Variants in ATRNL1 observed in about 807,000 individuals in gnomAD.
ATRNL1 encodes the protein attractin like 1.
Under a neutral mutation model 182.7 loss-of-function variants are expected in ATRNL1, and 95 were observed. That is an observed-to-expected ratio of 0.52 (90% CI 0.44 to 0.62). The LOEUF is 0.62. Ranked by LOEUF, ATRNL1 falls within the 20% of genes least tolerant of loss-of-function variation. The pLI is 0.00. For synonymous variants in ATRNL1, 576 were observed against 568.3 expected (o/e 1.01, Z -0.19); for missense variants, 1,471 against 1,679.5 (o/e 0.88, Z 2.17).
chr10:115,659,844 A>G (rs1046398892), intron 26 of ATRNL1, among the ~76,000 whole-genome samples: 5 of 152,156 alleles, frequency 3.3e-5, no homozygotes, highest in Admixed American at 6.5e-5. Flanking sequence ...AAACCAAAAA[A>G]GGAAGACATG....
chr10:115,842,809 G>A (rs1165384088), intron 27 of ATRNL1, among the ~76,000 whole-genome samples: 1 of 151,892 alleles, frequency 6.6e-6, no homozygotes, highest in Non-Finnish European at 1.5e-5. Context: ...CTCACTAGCT[G>A]TCTTACCCTG....
intron 10 of ATRNL1, among the ~76,000 whole-genome samples, chr10:115,259,688 T>A (rs1353776631): frequency 1.3e-5 from 2 of 152,126 alleles, no homozygotes. Context: ...AAATCACCCA[T>A]CCTCTGCGTC....
At chr10:115,608,423 A>G (rs1212624787) in intron 26 of ATRNL1, among the ~76,000 whole-genome samples, 3 of 152,048 alleles carry the variant, frequency 2.0e-5, no homozygotes, top group Non-Finnish European at 4.4e-5. Flanking sequence ...CAGAATTTTG[A>G]TTTTGAAAAA....
chr10:115,366,518 A>G (rs868980235), intron 19 of ATRNL1, among the ~76,000 whole-genome samples: 2 of 151,958 alleles, frequency 1.3e-5, no homozygotes, highest in Middle Eastern at 6.8e-3. Context: ...GTCCATTTAC[A>G]TTTAAACTTA....
At chr10:115,451,298 CAAAG>C (rs1315994114) in intron 21 of ATRNL1, among the ~76,000 whole-genome samples, 1 of 152,072 alleles carries the variant, frequency 6.6e-6, no homozygotes, top group Non-Finnish European at 1.5e-5. Context: ...TTCTGCACAA[CAAAG>C]AAACTATCAA....
chr10:115,835,467 T>C (rs529341224), intron 27 of ATRNL1, among the ~76,000 whole-genome samples: 1 of 152,036 alleles, frequency 6.6e-6, no homozygotes. Flanking sequence ...CCAGCCAAGG[T>C]AGGAAAATTG....
intron 8 of ATRNL1, among the ~76,000 whole-genome samples, chr10:115,214,257 G>C (rs541172286): frequency 4.9e-4 from 74 of 151,626 alleles, no homozygotes; most frequent in Admixed American, 1.8e-3. Flanking sequence ...TAAGGATCAA[G>C]TTTATCTTTA....
chr10:115,617,092 T>C (rs1172782559), intron 26 of ATRNL1, among the ~76,000 whole-genome samples: 1 of 152,216 alleles, frequency 6.6e-6, no homozygotes, highest in East Asian at 1.9e-4. Flanking sequence ...AGATCAATCA[T>C]GTAGAATAAC....
At chr10:115,695,293 C>G (rs1410727017) in intron 26 of ATRNL1, among the ~76,000 whole-genome samples, 2 of 151,930 alleles carry the variant, frequency 1.3e-5, no homozygotes, top group Admixed American at 1.3e-4. Context: ...GAGCCATTAT[C>G]AAAGTTAGGA....
At chr10:115,943,527 G>T (rs1159264121) in intron 28 of ATRNL1, among the ~76,000 whole-genome samples, 1 of 152,002 alleles carries the variant, frequency 6.6e-6, no homozygotes, top group Non-Finnish European at 1.5e-5. Context: ...AACAACAAAT[G>T]CTGGTGAGGT....
At chr10:115,532,110 G>A (rs1461774919) in intron 25 of ATRNL1, among the ~76,000 whole-genome samples, 1 of 151,550 alleles carries the variant, frequency 6.6e-6, no homozygotes, top group African/African-American at 2.4e-5. Context: ...TTGGCGATGC[G>A]GGCTCTTTTT....
chr10:115,932,032 C>G (rs908653014), intron 28 of ATRNL1, among the ~76,000 whole-genome samples: 3 of 152,146 alleles, frequency 2.0e-5, no homozygotes, highest in African/African-American at 7.2e-5. Flanking sequence ...TTGAAAGGTC[C>G]CCACTAGTGC....
At chr10:115,244,927 A>G (rs1233878262) in intron 10 of ATRNL1, among the ~76,000 whole-genome samples, 2 of 152,202 alleles carry the variant, frequency 1.3e-5, no homozygotes, top group African/African-American at 2.4e-5. Context: ...TGGGTAGGGA[A>G]TAGGATTTGT....
intron 1 of ATRNL1, among the ~76,000 whole-genome samples, chr10:115,103,042 T>G (rs1766417153): frequency 1.4e-5 from 1 of 72,664 alleles, no homozygotes; most frequent in Non-Finnish European, 4.1e-5. Context: ...TTTTTAGTGT[T>G]TTTTTTTTTT....
chr10:115,750,286 C>A, intron 27 of ATRNL1, among the ~76,000 whole-genome samples: 1 of 151,560 alleles, frequency 6.6e-6, no homozygotes, highest in Middle Eastern at 3.4e-3. Flanking sequence ...AAAGAAAGGT[C>A]TATTAATAAA....
chr10:115,196,862 CTCTT>C (rs1848382030), intron 8 of ATRNL1, among the ~76,000 whole-genome samples: 2 of 152,008 alleles, frequency 1.3e-5, no homozygotes, highest in Non-Finnish European at 2.9e-5. Flanking sequence ...CATTGTTTTA[CTCTT>C]TCTTTTTCAG....
At chr10:115,879,139 A>C (rs1352358894) in intron 28 of ATRNL1, among the ~76,000 whole-genome samples, 3 of 151,968 alleles carry the variant, frequency 2.0e-5, no homozygotes, top group African/African-American at 7.3e-5. Flanking sequence ...TGTTTCTACT[A>C]AAAATTACAT....
intron 27 of ATRNL1, among the ~76,000 whole-genome samples, chr10:115,751,300 C>T (rs1021212386): frequency 5.3e-5 from 8 of 152,046 alleles, no homozygotes; most frequent in African/African-American, 1.7e-4. Flanking sequence ...AATCTGCTGT[C>T]GCCCTGATTT....
chr10:115,100,315 A>T (rs895352963), intron 1 of ATRNL1, among the ~76,000 whole-genome samples: 19 of 152,076 alleles, frequency 1.2e-4, no homozygotes, highest in African/African-American at 3.6e-4. Context: ...TAAAAAATAA[A>T]AAAAAAAAGA....
Sources: gnomAD v4.1 joint callset for allele counts (sites outside exome capture counted in the v4.1 genomes callset) on GRCh38, gnomAD v4.1.1 for gene constraint, MANE v1.5 for transcripts, NCBI Gene and HGNC (gene_info 2026-07-23, HGNC 2026-07-21) for gene names.